EVI5: variants seen among roughly 807,000 people sequenced by gnomAD.
EVI5 encodes ecotropic viral integration site 5 protein homolog.
In EVI5, 73 loss-of-function variants were observed where a neutral mutation model predicts 112.0. That is an observed-to-expected ratio of 0.65 (90% CI 0.54 to 0.79). EVI5 has a LOEUF of 0.79. Among genes scored for constraint, EVI5 ranks in the 30% least tolerant of loss-of-function variants. EVI5 has a pLI of 0.00. For missense variants in EVI5, 900 were observed against 968.8 expected (o/e 0.93, Z 0.94); for synonymous variants, 305 against 319.9 (o/e 0.95, Z 0.50).
chr1:92,553,494 G>A (rs1293621364), intron 19 of EVI5, among the ~76,000 whole-genome samples: 2 of 151,746 alleles, frequency 1.3e-5, no homozygotes, highest in African/African-American at 4.8e-5. Context: ...GTAGAGACAG[G>A]CTTTCTCCAT....
rs199506288 is a variant in EVI5, at chr1:92,703,578, T to A, written c.381A>T (p.Ile127=). ...HKGIPHHFRA[I]VWQLLCSAQS... ...GTGCACTGCATAAAAGTTGCCAAAC[T>A]ATTGCTCTAAAGTGATGGGGTATCC... Residue 127 remains isoleucine (I), a synonymous_variant, in exon 4 of 20, where the codon ATA becomes ATT. Transcript: ENST00000684568. 13 of 1,594,836 alleles carry A rather than the reference T, an allele frequency of 8.2e-6. No individual in the cohort carries two copies. The highest frequency in any genetic ancestry group is 1.1e-5 in the Non-Finnish European group (13 of 1,174,836).
At chr1:92,634,745 A>G (rs1031126689) in intron 14 of EVI5, among the ~76,000 whole-genome samples, 5 of 152,110 alleles carry the variant, frequency 3.3e-5, no homozygotes, top group African/African-American at 1.2e-4. Flanking sequence ...TTTAGAGGAG[A>G]AGAGGCACTC....
intron 18 of EVI5, among the ~76,000 whole-genome samples, chr1:92,601,473 T>C (rs1010089567): frequency 1.3e-5 from 2 of 152,314 alleles, no homozygotes; most frequent in Admixed American, 6.5e-5. Flanking sequence ...CATCAGTAGA[T>C]GAATGAATAA....
chr1:92,785,194 G>T, upstream of EVI5: 1 of 798,202 alleles, frequency 1.3e-6, no homozygotes, highest in Non-Finnish European at 1.5e-6. Context: ...CGGGCGGGCC[G>T]GCCGAGAAAA....
At chr1:92,559,574 C>A (rs1309098919) in intron 19 of EVI5, among the ~76,000 whole-genome samples, 1 of 151,828 alleles carries the variant, frequency 6.6e-6, no homozygotes, top group East Asian at 1.9e-4. Context: ...GAGTTCGAGA[C>A]CAGCCTGGTC....
intron 19 of EVI5, among the ~76,000 whole-genome samples, chr1:92,536,382 T>A (rs1663899168): frequency 6.6e-6 from 1 of 152,216 alleles, no homozygotes; most frequent in South Asian, 2.1e-4. Context: ...GAAACTGTCA[T>A]GTTCATAGTC....
intron 2 of EVI5, among the ~76,000 whole-genome samples, chr1:92,715,150 T>C (rs1028364176): frequency 3.3e-5 from 5 of 151,970 alleles, no homozygotes; most frequent in African/African-American, 9.7e-5. Context: ...GGACTACAGG[T>C]GCCTGCCACC....
chr1:92,695,509 G>T, intron 6 of EVI5, 56 bp from the exon 7 acceptor site: 2 of 1,186,040 alleles, frequency 1.7e-6, no homozygotes, highest in South Asian at 1.5e-5. Flanking sequence ...TTTTAAATTA[G>T]ATTATATTTA....
At chr1:92,773,825 G>A (rs1425780407) in intron 1 of EVI5, 4 of 152,054 alleles carry the variant, frequency 2.6e-5, no homozygotes, top group Non-Finnish European at 5.9e-5. Flanking sequence ...AGGAATTCGA[G>A]ACTAGCCTGG....
chr1:92,546,186 G>A (rs1008522961), intron 19 of EVI5, among the ~76,000 whole-genome samples: 1 of 152,072 alleles, frequency 6.6e-6, no homozygotes, highest in Non-Finnish European at 1.5e-5. Context: ...TAAGGCATGC[G>A]TGTGAACTAA....
At chr1:92,730,304 C>T (rs1208534164) in intron 2 of EVI5, among the ~76,000 whole-genome samples, 1 of 151,630 alleles carries the variant, frequency 6.6e-6, no homozygotes, top group African/African-American at 2.4e-5. Context: ...ACAGCAAGCC[C>T]TGATTGTGCC....
At chr1:92,706,254 A>G (rs1387579919) in intron 2 of EVI5, among the ~76,000 whole-genome samples, 1 of 152,168 alleles carries the variant, frequency 6.6e-6, no homozygotes, top group East Asian at 1.9e-4. Flanking sequence ...AAGATAAAAA[A>G]AGAATTAATG....
intron 1 of EVI5, among the ~76,000 whole-genome samples, chr1:92,752,321 C>T (rs1161149038): frequency 2.0e-5 from 3 of 151,966 alleles, no homozygotes; most frequent in African/African-American, 2.4e-5. Context: ...ATTACAGGCA[C>T]GTGCCACCAC....
intron 16 of EVI5, among the ~76,000 whole-genome samples, chr1:92,611,056 C>A (rs1030756284): frequency 6.6e-6 from 1 of 151,170 alleles, no homozygotes; most frequent in Admixed American, 6.6e-5. Context: ...ATGTAACTAA[C>A]CTGCACAATG....
chr1:92,682,711 A>G (rs949311150), intron 9 of EVI5, among the ~76,000 whole-genome samples: 1 of 152,128 alleles, frequency 6.6e-6, no homozygotes, highest in Non-Finnish European at 1.5e-5. Flanking sequence ...AGATCGCACC[A>G]TTGTACTCCA....
At chr1:92,637,029 T>C (rs1046994327) in intron 13 of EVI5, among the ~76,000 whole-genome samples, 5 of 152,084 alleles carry the variant, frequency 3.3e-5, no homozygotes, top group African/African-American at 1.2e-4. Flanking sequence ...AAAAACAGGG[T>C]ACCTACAATA....
chr1:92,742,421 C>T (rs558319326), intron 1 of EVI5, among the ~76,000 whole-genome samples: 27 of 152,034 alleles, frequency 1.8e-4, no homozygotes, highest in African/African-American at 6.5e-4. Context: ...GCCTGTAATC[C>T]CAGCACTTCG....
chr1:92,688,906 A>G (rs1192658931), intron 9 of EVI5, among the ~76,000 whole-genome samples: 3 of 152,200 alleles, frequency 2.0e-5, no homozygotes, highest in Non-Finnish European at 1.5e-5. Flanking sequence ...TTTATTATAT[A>G]TTCCAAAACT....
intron 16 of EVI5, among the ~76,000 whole-genome samples, chr1:92,608,719 A>AG (rs1557891472): frequency 6.5e-4 from 2 of 3,086 alleles, no homozygotes; most frequent in African/African-American, 2.0e-3. Context: ...AAAAAAGGAA[A>AG]GGAAAAAAAA....
Sources: allele counts gnomAD v4.1 joint callset (sites outside exome capture counted in the v4.1 genomes callset), GRCh38; gene constraint gnomAD v4.1.1; transcripts MANE v1.5; gene names NCBI Gene and HGNC (gene_info 2026-07-23, HGNC 2026-07-21).